Variants in KCNAB1 observed in about 807,000 individuals in gnomAD.
KCNAB1 encodes the protein voltage-gated potassium channel subunit beta-1.
Under a neutral mutation model 64.6 loss-of-function variants are expected in KCNAB1, and 35 were observed. The ratio of observed to expected loss-of-function variants is 0.54; its 90% CI spans 0.41 to 0.72. The LOEUF (loss-of-function observed/expected upper bound fraction) is 0.72. Ranked by LOEUF, KCNAB1 falls within the 30% of genes least tolerant of loss-of-function variation. KCNAB1 has a pLI of 0.00. For synonymous variants in KCNAB1, 177 were observed against 183.8 expected, an observed-to-expected ratio of 0.96 and a Z score of 0.30; for missense variants, 401 against 512.9, an observed-to-expected ratio of 0.78 and a Z score of 2.11.
intron 1 of KCNAB1, among the ~76,000 whole-genome samples, chr3:156,410,537 G>A (rs1714574617): frequency 6.6e-6 from 1 of 152,126 alleles, no homozygotes; most frequent in South Asian, 2.1e-4. Context: ...TTCTACAGTT[G>A]TATGGAGTTT....
rs774706014 is a variant in KCNAB1, at chr3:156,120,610, C to G, written c.-2C>G. On this transcript the variant is annotated 5_prime_UTR_variant, in exon 1 of 14. Coordinates refer to ENST00000490337, the MANE Select transcript of KCNAB1 (RefSeq NM_172160.3). ...TCCAGTCTTCTCTGAAAGATCTCCA[C>G]GATGCTGGCAGCCCGGACAGGGGCA... 2.1e-5 allele frequency: 34 copies of G among 1,613,790 alleles called. No homozygotes were observed. In the African/African-American group the frequency reaches 4.5e-4, roughly 22 times the overall value.
chr3:156,356,121 A>T lies in KCNAB1; in HGVS notation c.276-65495A>T, dbSNP rs1223398533. On this transcript the variant is annotated intron_variant, in intron 1 of 13. Coordinates refer to ENST00000490337, the MANE Select transcript of KCNAB1 (RefSeq NM_172160.3). ...TGAGTGACAGAGTGGGACCCTGTAA[A>T]AAAAAAAAAAAAAAGAAAGAAAAGA... Among the ~76,000 whole-genome samples the T allele has an allele frequency of 7.2e-3, 1,078 of 148,724 alleles. 22 individuals carry two copies. The highest frequency in any genetic ancestry group is 0.026 in the African/African-American group (1,019 of 39,956).
At chr3:156,278,178 A>G (rs1719460400) in intron 1 of KCNAB1, among the ~76,000 whole-genome samples, 1 of 152,238 alleles carries the variant, frequency 6.6e-6, no homozygotes, top group South Asian at 2.1e-4. Flanking sequence ...TATGAGATAA[A>G]GAGACATGTA....
At chr3:156,309,171 AT>A (rs1282166536) in intron 1 of KCNAB1, among the ~76,000 whole-genome samples, 4 of 152,234 alleles carry the variant, frequency 2.6e-5, no homozygotes, top group Non-Finnish European at 5.9e-5. Flanking sequence ...TGTAAATAAT[AT>A]ATCAGTTTTT....
At chr3:156,385,784 A>G (rs1412811415) in intron 1 of KCNAB1, among the ~76,000 whole-genome samples, 2 of 152,242 alleles carry the variant, frequency 1.3e-5, no homozygotes. Flanking sequence ...CCCTGTGATT[A>G]GCTCATTAAG....
At chr3:156,390,505 A>C (rs551178902) in intron 1 of KCNAB1, among the ~76,000 whole-genome samples, 1 of 151,568 alleles carries the variant, frequency 6.6e-6, no homozygotes, top group Admixed American at 6.5e-5. Context: ...CTTGGCAGCT[A>C]AGAAACTCCA....
chr3:156,132,444 G>T (rs1714054853), intron 1 of KCNAB1, among the ~76,000 whole-genome samples: 3 of 152,198 alleles, frequency 2.0e-5, no homozygotes, highest in Admixed American at 2.0e-4. Flanking sequence ...GTTTCTCATT[G>T]CCTTGAGACT....
chr3:156,492,326 G>C (rs1037347578), intron 8 of KCNAB1, among the ~76,000 whole-genome samples: 3 of 152,084 alleles, frequency 2.0e-5, no homozygotes, highest in African/African-American at 7.2e-5. Context: ...CCCTCCCCTT[G>C]AATCTGGACA....
chr3:156,406,740 T>C (rs1359599255), intron 1 of KCNAB1, among the ~76,000 whole-genome samples: 1 of 152,058 alleles, frequency 6.6e-6, no homozygotes, highest in East Asian at 1.9e-4. Flanking sequence ...AGATAGAACC[T>C]GAGAACTGGA....
intron 1 of KCNAB1, among the ~76,000 whole-genome samples, chr3:156,233,896 G>T (rs1305562864): frequency 6.6e-6 from 1 of 151,968 alleles, no homozygotes; most frequent in Non-Finnish European, 1.5e-5. Context: ...TGTGGGAAAA[G>T]AGTTAGAGTA....
At chr3:156,442,177 G>A (rs1171208519) in intron 2 of KCNAB1, among the ~76,000 whole-genome samples, 7 of 152,120 alleles carry the variant, frequency 4.6e-5, no homozygotes, top group Non-Finnish European at 1.0e-4. Context: ...ATTAATTTAA[G>A]TTACTACATA....
intron 8 of KCNAB1, among the ~76,000 whole-genome samples, chr3:156,494,370 C>A (rs760726723): frequency 1.3e-5 from 2 of 152,074 alleles, no homozygotes; most frequent in African/African-American, 2.4e-5. Flanking sequence ...TTAGGGCTGC[C>A]AGTGTTTCCC....
rs554050909 is a variant in KCNAB1 at position 156,402,913 on chromosome 3, G to C, written c.276-18703G>C. Among the ~76,000 whole-genome samples the C allele has an allele frequency of 3.0e-4, 46 of 152,230 alleles. 2 individuals carry two copies. The highest frequency in any genetic ancestry group is 1.0e-3 in the African/African-American group (42 of 41,528). Reference sequence around the variant, plus strand: ...ATTTTGGTAGAATTCTACTAAAATAGTCTAGAGTTTTATTGTCCATTTTAT... The same window carrying C: ...ATTTTGGTAGAATTCTACTAAAATACTCTAGAGTTTTATTGTCCATTTTAT... On this transcript the variant is annotated intron_variant, in intron 1 of 13. Transcript: ENST00000490337.
chr3:156,405,299 C>A (rs776301388), intron 1 of KCNAB1, among the ~76,000 whole-genome samples: 26 of 152,346 alleles, frequency 1.7e-4, no homozygotes, highest in Non-Finnish European at 3.2e-4. Flanking sequence ...TGCCTTCCCA[C>A]CTCCTGCTCT....
At chr3:156,402,161 AAGAG>A (rs553407397) in intron 1 of KCNAB1, among the ~76,000 whole-genome samples, 20 of 152,074 alleles carry the variant, frequency 1.3e-4, no homozygotes, top group South Asian at 8.3e-4. Flanking sequence ...TAAAAAAAAA[AAGAG>A]AGAAAAGAAA....
intron 1 of KCNAB1, among the ~76,000 whole-genome samples, chr3:156,188,212 G>T (rs150829673): frequency 7.4e-4 from 107 of 144,100 alleles, no homozygotes; most frequent in Middle Eastern, 7.1e-3. Flanking sequence ...TCCCTGTGGG[G>T]TTTTTTTTTT....
intron 1 of KCNAB1, among the ~76,000 whole-genome samples, chr3:156,242,630 A>C (rs1044142056): frequency 6.6e-6 from 1 of 151,682 alleles, no homozygotes; most frequent in African/African-American, 2.4e-5. Flanking sequence ...AATTTCTAAA[A>C]CCTTCTTTTG....
chr3:156,320,350 A>C (rs943269361), intron 1 of KCNAB1, among the ~76,000 whole-genome samples: 1 of 152,232 alleles, frequency 6.6e-6, no homozygotes, highest in African/African-American at 2.4e-5. Flanking sequence ...ATAATCCTAC[A>C]CAAAAGATTT....
Position 156,369,502 on chromosome 3 carries a change from G to T in KCNAB1, c.276-52114G>T, listed in dbSNP as rs143499419. The stretch of plus-strand genomic sequence containing the variant: ...GAGTTCTCACTCTCTCCAACCCCAG[G>T]TGGATCAAAAGCACACAGTTTGCGT... On this transcript the variant is annotated intron_variant, in intron 1 of 13. Transcript: ENST00000490337. 5.8e-4 allele frequency among the ~76,000 whole-genome samples: 88 copies of T among 152,334 alleles called. No homozygotes were observed. In the East Asian group the frequency reaches 0.016, roughly 28 times the overall value.
Sources: allele counts gnomAD v4.1 joint callset (sites outside exome capture counted in the v4.1 genomes callset), GRCh38; gene constraint gnomAD v4.1.1; transcripts MANE v1.5; gene names NCBI Gene and HGNC (gene_info 2026-07-23, HGNC 2026-07-21).